Variants in PRKCE observed in about 807,000 individuals in gnomAD.
PRKCE encodes protein kinase C epsilon type.
Under a neutral mutation model 85.4 loss-of-function variants are expected in PRKCE, and 16 were observed. That is an observed-to-expected ratio of 0.19 (90% CI 0.13 to 0.28). The LOEUF (loss-of-function observed/expected upper bound fraction) is 0.28. Among genes scored for constraint, PRKCE ranks in the 10% least tolerant of loss-of-function variants. The probability of loss-of-function intolerance (pLI) is 1.00; values close to 1 mark genes in which losing one functional copy is unlikely to be tolerated. For synonymous variants in PRKCE, 388 were observed against 371.5 expected (o/e 1.04, Z -0.51); for missense variants, 573 against 975.2 (o/e 0.59, Z 5.49).
intron 2 of PRKCE, among the ~76,000 whole-genome samples, chr2:45,945,186 A>G (rs1285418808): frequency 1.3e-5 from 2 of 152,196 alleles, no homozygotes; most frequent in Admixed American, 1.3e-4. Flanking sequence ...CTTGCTATAA[A>G]GGAATTATTG....
At chr2:45,833,904 T>C (rs528237988) in intron 1 of PRKCE, among the ~76,000 whole-genome samples, 58 of 152,348 alleles carry the variant, frequency 3.8e-4, no homozygotes, top group Non-Finnish European at 6.6e-4. Flanking sequence ...GCCATTTCTC[T>C]CAAAGTAGAC....
intron 2 of PRKCE, among the ~76,000 whole-genome samples, chr2:45,863,155 A>G (rs1307762971): frequency 6.6e-6 from 1 of 152,028 alleles, no homozygotes; most frequent in Admixed American, 6.6e-5. Flanking sequence ...GAATTAGGCT[A>G]CTCATTTCCT....
intron 1 of PRKCE, among the ~76,000 whole-genome samples, chr2:45,782,406 G>A (rs1231179890): frequency 1.3e-5 from 2 of 152,104 alleles, no homozygotes; most frequent in Admixed American, 6.6e-5. Flanking sequence ...TAGTCACTTC[G>A]ATTCTGATCC....
intron 1 of PRKCE, among the ~76,000 whole-genome samples, chr2:45,838,208 G>T (rs79877288): frequency 9.2e-5 from 14 of 152,306 alleles, no homozygotes; most frequent in African/African-American, 3.1e-4. Flanking sequence ...CCCACTCTGG[G>T]GACGGGAGGG....
At chr2:45,860,407 G>C (rs1163853061) in intron 2 of PRKCE, among the ~76,000 whole-genome samples, 1 of 152,168 alleles carries the variant, frequency 6.6e-6, no homozygotes, top group Non-Finnish European at 1.5e-5. Flanking sequence ...GTGCCTTTGG[G>C]AGCTGAGGTT....
rs1331161422 is a variant in PRKCE at position 46,151,034 on chromosome 2, T to C, written c.1732-7T>C. ...ATGGTGCCTGACATTGCTGGTTTCCTGAACAGATCCTGCAGGAGTTGGAGT... is the reference window on the plus strand; with the variant it reads ...ATGGTGCCTGACATTGCTGGTTTCCCGAACAGATCCTGCAGGAGTTGGAGT... On this transcript the variant is annotated splice_region_variant and splice_polypyrimidine_tract_variant and intron_variant, in intron 12 of 14. Coordinates refer to ENST00000306156, the MANE Select transcript of PRKCE (RefSeq NM_005400.3). The C allele has an allele frequency of 1.3e-6, 2 of 1,594,712 alleles. No individual in the cohort carries two copies. The highest frequency in any genetic ancestry group is 1.7e-6 in the Non-Finnish European group (2 of 1,176,376).
chr2:45,761,844 G>A (rs180813244), intron 1 of PRKCE, among the ~76,000 whole-genome samples: 3 of 152,242 alleles, frequency 2.0e-5, no homozygotes, highest in Admixed American at 2.0e-4. Flanking sequence ...TCCTGCTTGA[G>A]CCAGGGCTGT....
rs552042246 is a variant in PRKCE at position 45,652,459 on chromosome 2, C to T, written c.348+11C>T. 1.3e-6 allele frequency: 2 copies of T among 1,596,980 alleles called. No individual in the cohort carries two copies. The highest frequency in any genetic ancestry group is 2.2e-5 in the East Asian group (1 of 44,654). Reference sequence around the variant, plus strand: ...CACTTCGAGGACTGGGTGAGTGCGGCGCCTCCCCGTCATTCCGGGAACCCG... The same window carrying T: ...CACTTCGAGGACTGGGTGAGTGCGGTGCCTCCCCGTCATTCCGGGAACCCG... On this transcript the variant is annotated intron_variant, in intron 1 of 14. Coordinates refer to ENST00000306156, the MANE Select transcript of PRKCE (RefSeq NM_005400.3). This position sits in a 1 kb window ranked among gnomAD's most constrained non-coding sequence, Gnocchi z 7.7.
chr2:46,092,522 T>C (rs925503417), intron 11 of PRKCE, among the ~76,000 whole-genome samples: 1 of 152,192 alleles, frequency 6.6e-6, no homozygotes, highest in African/African-American at 2.4e-5. Context: ...AGGGCTTTCC[T>C]TGTTGACCAT....
intron 10 of PRKCE, among the ~76,000 whole-genome samples, chr2:46,061,035 TACAGGAGTGAGCA>T (rs1348856623): frequency 1.3e-5 from 2 of 151,894 alleles, no homozygotes; most frequent in African/African-American, 4.8e-5. Flanking sequence ...GTGCTGGGAT[TACAGGAGTGAGCA>T]ACTGCGTCCG....
rs184771386 is a variant in PRKCE, at chr2:45,857,941, G to A, written c.412+14878G>A. On this transcript the variant is annotated intron_variant, in intron 2 of 14. Coordinates refer to ENST00000306156, the MANE Select transcript of PRKCE (RefSeq NM_005400.3). Reference sequence around the variant, plus strand: ...GCCAGGTAAAAATGGCAAAGCTGTGGAGGTGGCTGAGTTGCTTGGCTGGCA... The same window carrying A: ...GCCAGGTAAAAATGGCAAAGCTGTGAAGGTGGCTGAGTTGCTTGGCTGGCA... Among the ~76,000 whole-genome samples the A allele has an allele frequency of 5.6e-3, 851 of 152,336 alleles. 6 individuals carry two copies. The highest frequency in any genetic ancestry group is 9.3e-3 in the Non-Finnish European group (636 of 68,042).
intron 2 of PRKCE, among the ~76,000 whole-genome samples, chr2:45,901,123 T>C (rs958471676): frequency 5.3e-5 from 8 of 152,232 alleles, no homozygotes; most frequent in African/African-American, 1.4e-4. Flanking sequence ...TCATAAACTC[T>C]ACTATGTATA....
intron 1 of PRKCE, among the ~76,000 whole-genome samples, chr2:45,785,821 G>A (rs916868371): frequency 6.6e-6 from 1 of 152,218 alleles, no homozygotes; most frequent in Non-Finnish European, 1.5e-5. Flanking sequence ...AAGCACAACA[G>A]ATGGGAGTGC....
intron 2 of PRKCE, among the ~76,000 whole-genome samples, chr2:45,920,749 G>T (rs190372405): frequency 6.6e-6 from 1 of 152,160 alleles, no homozygotes; most frequent in Admixed American, 6.5e-5. Flanking sequence ...GAGAACAGGG[G>T]GTGGTCGCTA....
At chr2:45,961,745 G>C (rs1199954534) in intron 2 of PRKCE, among the ~76,000 whole-genome samples, 1 of 152,006 alleles carries the variant, frequency 6.6e-6, no homozygotes, top group African/African-American at 2.4e-5. Context: ...GTCCGGGCTG[G>C]AGTGCAATGG....
intron 2 of PRKCE, among the ~76,000 whole-genome samples, chr2:45,935,483 T>A (rs1221310006): frequency 1.3e-5 from 2 of 152,172 alleles, no homozygotes; most frequent in African/African-American, 4.8e-5. Flanking sequence ...TTCCAAGGTC[T>A]TCATATAAAA....
chr2:45,702,543 C>T (rs1054588736), intron 1 of PRKCE, among the ~76,000 whole-genome samples: 14 of 152,146 alleles, frequency 9.2e-5, no homozygotes, highest in Non-Finnish European at 1.5e-4. Context: ...TTTATGCCTC[C>T]TGAAGGCTGA....
intron 10 of PRKCE, among the ~76,000 whole-genome samples, chr2:46,061,104 CTTT>C (rs565280374): frequency 2.9e-5 from 3 of 103,474 alleles, no homozygotes; most frequent in African/African-American, 4.0e-5. Flanking sequence ...CTTTTTTTTC[CTTT>C]TTTTTTTTTT....
chr2:45,928,755 C>G (rs1041974073), intron 2 of PRKCE, among the ~76,000 whole-genome samples: 1 of 152,166 alleles, frequency 6.6e-6, no homozygotes, highest in African/African-American at 2.4e-5. Context: ...TTTTCCTGCC[C>G]CCCACTAATA....
Sources: allele counts gnomAD v4.1 joint callset (sites outside exome capture counted in the v4.1 genomes callset), GRCh38; gene constraint gnomAD v4.1.1; non-coding constraint Gnocchi (gnomAD v3.1); transcripts MANE v1.5; gene names NCBI Gene and HGNC (gene_info 2026-07-23, HGNC 2026-07-21).